The following ABHD18 variants were observed in gnomAD, a reference collection of about 807,000 sequenced individuals.
ABHD18 encodes cardiolipin-specific deacylase, mitochondrial.
Under a neutral mutation model 65.9 loss-of-function variants are expected in ABHD18, and 55 were observed. The observed-to-expected ratio is 0.84, with a 90% CI of 0.67 to 1.05. The LOEUF (loss-of-function observed/expected upper bound fraction) is 1.05. Among genes scored for constraint, ABHD18 ranks in the 50% least tolerant of loss-of-function variants. The pLI is 0.00. For missense variants in ABHD18, 533 were observed against 558.5 expected, an observed-to-expected ratio of 0.95 and a Z score of 0.46; for synonymous variants, 181 against 180.2, an observed-to-expected ratio of 1.00 and a Z score of -0.04.
In ABHD18 at chr4:127,981,360, C is replaced by G. The variant is rs140676598; in HGVS notation, c.-17-1579C>G. On this transcript the variant is annotated intron_variant, in intron 1 of 12. Coordinates refer to ENST00000645843, the MANE Select transcript of ABHD18 (RefSeq NM_001358451.3). ...GAGCCCTTTAGTTGTTAGCACATTG[C>G]CTTGTTTCATTTTCATCATAGTGTT... 1.9e-3 allele frequency among the ~76,000 whole-genome samples: 292 copies of G among 152,100 alleles called. 2 individuals carry two copies. Among genetic ancestry groups the G allele is most frequent in the African/African-American group, 6.8e-3 (284 of 41,498 alleles).
intron 9 of ABHD18, among the ~76,000 whole-genome samples, chr4:128,020,865 C>T (rs186034807): frequency 3.3e-5 from 5 of 151,982 alleles, no homozygotes; most frequent in Non-Finnish European, 5.9e-5. Context: ...GAAACTCTGT[C>T]TCTACTAAAA....
rs550935917 is a variant in ABHD18, at chr4:127,982,590, G to T, written c.-17-349G>T. Reference sequence around the variant, plus strand: ...GTAGGTTTAATGAGAACCTGCGTGTGTGTTTGTAGTTCTTAAAATAGTGGT... The same window carrying T: ...GTAGGTTTAATGAGAACCTGCGTGTTTGTTTGTAGTTCTTAAAATAGTGGT... On this transcript the variant is annotated intron_variant, in intron 1 of 12. Transcript: ENST00000645843. 5.3e-5 allele frequency among the ~76,000 whole-genome samples: 8 copies of T among 152,172 alleles called. No individual in the cohort carries two copies. The South Asian group carries it at 1.7e-3, about 32-fold the overall frequency.
chr4:127,981,529 A>T (rs1452266430), intron 1 of ABHD18, among the ~76,000 whole-genome samples: 1 of 152,202 alleles, frequency 6.6e-6, no homozygotes, highest in East Asian at 1.9e-4. Flanking sequence ...GAATATAATA[A>T]GCAGTTAATA....
intron 2 of ABHD18, among the ~76,000 whole-genome samples, chr4:127,983,595 G>A (rs925738211): frequency 2.8e-4 from 42 of 152,284 alleles, no homozygotes; most frequent in Admixed American, 4.6e-4. Context: ...GCTGGGCGCG[G>A]TGGCTCACGT....
intron 1 of ABHD18, among the ~76,000 whole-genome samples, chr4:127,973,967 C>A (rs917431154): frequency 4.0e-5 from 6 of 151,838 alleles, no homozygotes; most frequent in Non-Finnish European, 5.9e-5. Flanking sequence ...CCAGCTGACA[C>A]CTTGATTGAA....
At chr4:127,995,720 A>G (rs962312800) in intron 4 of ABHD18, among the ~76,000 whole-genome samples, 1 of 152,170 alleles carries the variant, frequency 6.6e-6, no homozygotes, top group African/African-American at 2.4e-5. Context: ...AAGCAGGGAA[A>G]ATAATACTTT....
intron 12 of ABHD18, among the ~76,000 whole-genome samples, chr4:128,032,519 T>C (rs916172319): frequency 2.0e-5 from 3 of 152,132 alleles, no homozygotes; most frequent in Admixed American, 6.5e-5. Context: ...ACCCCGTCTC[T>C]ACTAAAAATA....
chr4:128,003,939 G>T, intron 4 of ABHD18, among the ~76,000 whole-genome samples: 1 of 130,682 alleles, frequency 7.7e-6, no homozygotes, highest in African/African-American at 2.8e-5. Flanking sequence ...GCAAGACCCT[G>T]TCTCGATTTA....
rs540015291 is a variant in ABHD18, at chr4:128,001,975, C to T, written c.279-6945C>T. 2.6e-5 allele frequency among the ~76,000 whole-genome samples: 4 copies of T among 151,976 alleles called. No homozygotes were observed. The South Asian group carries it at 8.3e-4, about 32-fold the overall frequency. On this transcript the variant is annotated intron_variant, in intron 4 of 12. Coordinates refer to ENST00000645843, the MANE Select transcript of ABHD18 (RefSeq NM_001358451.3). Reference sequence around the variant, plus strand: ...TTGTCTCCATTCTTTTATGAGAGTCCTGTTAGAAACATGTTGGAGCCAGGC... The same window carrying T: ...TTGTCTCCATTCTTTTATGAGAGTCTTGTTAGAAACATGTTGGAGCCAGGC...
At chr4:127,996,320 G>A (rs1423598981) in intron 4 of ABHD18, among the ~76,000 whole-genome samples, 1 of 152,118 alleles carries the variant, frequency 6.6e-6, no homozygotes, top group African/African-American at 2.4e-5. Context: ...GAGAAATAAA[G>A]AGAAAGAGTA....
intron 6 of ABHD18, among the ~76,000 whole-genome samples, chr4:128,010,398 A>G (rs1281977488): frequency 2.0e-5 from 3 of 151,766 alleles, no homozygotes; most frequent in Non-Finnish European, 2.9e-5. Context: ...GCATGCTGGC[A>G]TATGCCTATA....
chr4:128,031,000 T>C, intron 12 of ABHD18: 1 of 1,046,454 alleles, frequency 9.6e-7, no homozygotes, highest in South Asian at 3.9e-5. Context: ...CATCAAGAGT[T>C]TTTTCACTCT....
chr4:127,997,393 G>A lies in ABHD18; in HGVS notation c.278+7572G>A, dbSNP rs756959289. Reference sequence around the variant, plus strand: ...AAAGACTTACATTTCAAAAGACTAGGCAGTCAAAAGGATATTTTTATTTTA... The same window carrying A: ...AAAGACTTACATTTCAAAAGACTAGACAGTCAAAAGGATATTTTTATTTTA... On this transcript the variant is annotated intron_variant, in intron 4 of 12. Coordinates refer to ENST00000645843, the MANE Select transcript of ABHD18 (RefSeq NM_001358451.3). Among the ~76,000 whole-genome samples the A allele has an allele frequency of 3.3e-5, 5 of 152,068 alleles. No homozygotes were observed. In the South Asian group the frequency reaches 1.0e-3, roughly 32 times the overall value.
At chr4:128,021,270 G>T in intron 10 of ABHD18, 32 bp downstream of exon 10, 1 of 1,260,034 alleles carries the variant, frequency 7.9e-7, no homozygotes, top group Non-Finnish European at 1.1e-6. Flanking sequence ...CAACATTGGT[G>T]GTGGGGGGAG....
At chr4:128,024,256 T>C (rs1757001794) in intron 10 of ABHD18, among the ~76,000 whole-genome samples, 1 of 152,160 alleles carries the variant, frequency 6.6e-6, no homozygotes, top group Non-Finnish European at 1.5e-5. Context: ...GCTGAACTCA[T>C]TCTTTTATCA....
intron 10 of ABHD18, 65 bp downstream of exon 10, chr4:128,021,303 A>C: frequency 1.0e-6 from 1 of 953,956 alleles, no homozygotes; most frequent in Non-Finnish European, 1.6e-6. Flanking sequence ...TTAATGATTC[A>C]GGTTTTTAAA....
At chr4:128,026,378 G>A (rs1757357822) in intron 10 of ABHD18, among the ~76,000 whole-genome samples, 1 of 151,586 alleles carries the variant, frequency 6.6e-6, no homozygotes, top group Non-Finnish European at 1.5e-5. Context: ...AGAATCGCTT[G>A]AACCCAAAAG....
At chr4:128,001,885 C>T (rs1579292703) in intron 4 of ABHD18, 1 of 1,099,956 alleles carries the variant, frequency 9.1e-7, no homozygotes, top group Non-Finnish European at 1.2e-6. Flanking sequence ...ACTCAGAAGA[C>T]CCTTTCAGTT....
chr4:128,000,911 A>G (rs1458591879), intron 4 of ABHD18, among the ~76,000 whole-genome samples: 1 of 151,860 alleles, frequency 6.6e-6, no homozygotes, highest in Non-Finnish European at 1.5e-5. Flanking sequence ...TATAAATGAG[A>G]TTGTGTTCTT....
Sources: allele counts gnomAD v4.1 joint callset (sites outside exome capture counted in the v4.1 genomes callset), GRCh38; gene constraint gnomAD v4.1.1; transcripts MANE v1.5; gene names NCBI Gene and HGNC (gene_info 2026-07-23, HGNC 2026-07-21).